The following DIAPH2 variants were observed in gnomAD, a reference collection of about 807,000 sequenced individuals.
The protein encoded by DIAPH2 is diaphanous related formin 2.
Under a neutral mutation model 92.7 loss-of-function variants are expected in DIAPH2, and 35 were observed. The observed-to-expected ratio is 0.38, with a 90% CI of 0.29 to 0.50. The LOEUF is 0.50. DIAPH2 is among the 20% of genes least tolerant of loss of function. The pLI is 0.94. For missense variants in DIAPH2, 701 were observed against 819.5 expected (o/e 0.86, Z 1.77); for synonymous variants, 301 against 280.4 (o/e 1.07, Z -0.73).
chrX:96,850,882 A>C (rs1489719236), intron 4 of DIAPH2, among the ~76,000 whole-genome samples: 3 of 112,061 alleles, frequency 2.7e-5, no homozygotes, highest in African/African-American at 9.7e-5. Flanking sequence ...TTGAAATACA[A>C]ACTTCAGTAA....
intron 26 of DIAPH2, among the ~76,000 whole-genome samples, chrX:97,589,027 A>ATATAT (rs748240865): frequency 2.3e-5 from 2 of 85,123 alleles, no homozygotes; most frequent in Non-Finnish European, 4.7e-5. Context: ...ATATATATAT[A>ATATAT]AAAGAATCAG....
intron 4 of DIAPH2, among the ~76,000 whole-genome samples, chrX:96,867,307 C>T (rs1265012172): frequency 2.7e-5 from 3 of 111,010 alleles, no homozygotes; most frequent in African/African-American, 9.8e-5. Context: ...CAACCTCCGC[C>T]ACCCAGGTTC....
intron 25 of DIAPH2, among the ~76,000 whole-genome samples, chrX:97,417,399 T>TAC (rs751129969): frequency 0.017 from 1,762 of 101,107 alleles, 34 homozygotes; most frequent in African/African-American, 0.061. Flanking sequence ...CACACACACA[T>TAC]ACACACACAC....
At chrX:97,296,199 T>G (rs73550333) in intron 23 of DIAPH2, among the ~76,000 whole-genome samples, 3,828 of 111,318 alleles carry the variant, frequency 0.034, 156 homozygotes, top group African/African-American at 0.12. Context: ...GAGATAAATC[T>G]TTCCCAAGCA....
chrX:97,222,063 CATCGTAT>C (rs1351909906), intron 22 of DIAPH2, among the ~76,000 whole-genome samples: 1 of 111,413 alleles, frequency 9.0e-6, no homozygotes, highest in African/African-American at 3.3e-5. Context: ...CAGCAAACTT[CATCGTAT>C]TACACCAAAG....
chrX:97,199,227 ATGTGTGTG>A (rs58686614), intron 22 of DIAPH2, among the ~76,000 whole-genome samples: 1 of 106,771 alleles, frequency 9.4e-6, no homozygotes, highest in Non-Finnish European at 1.9e-5. Context: ...ACATATGTAT[ATGTGTGTG>A]TGTGTGTGTA....
chrX:97,554,075 GC>G (rs1349910278), intron 26 of DIAPH2, among the ~76,000 whole-genome samples: 1 of 111,004 alleles, frequency 9.0e-6, no homozygotes, highest in Non-Finnish European at 1.9e-5. Flanking sequence ...ATATTCTCCA[GC>G]CTCCGTTTGG....
At chrX:97,004,224 T>A (rs2066164252) in intron 17 of DIAPH2, among the ~76,000 whole-genome samples, 1 of 111,636 alleles carries the variant, frequency 9.0e-6, no homozygotes, top group South Asian at 3.8e-4. Context: ...GGTAATATGA[T>A]TCTTCCAGTT....
chrX:97,379,303 A>C (rs1322815590), intron 24 of DIAPH2, among the ~76,000 whole-genome samples: 1 of 111,940 alleles, frequency 8.9e-6, no homozygotes, highest in Non-Finnish European at 1.9e-5. Context: ...GGGGGTTTGC[A>C]AAATAAGTCA....
At chrX:97,412,035 G>T (rs1303812086) in intron 25 of DIAPH2, among the ~76,000 whole-genome samples, 2 of 111,717 alleles carry the variant, frequency 1.8e-5, no homozygotes, top group Non-Finnish European at 3.8e-5. Context: ...CTTGAACTCA[G>T]CTCTGCACCA....
intron 4 of DIAPH2, among the ~76,000 whole-genome samples, chrX:96,776,425 G>A (rs2064378033): frequency 9.1e-6 from 1 of 109,922 alleles, no homozygotes; most frequent in Non-Finnish European, 1.9e-5. Context: ...CGGCCAGGCT[G>A]GTCTCGAACT....
intron 26 of DIAPH2, among the ~76,000 whole-genome samples, chrX:97,540,281 T>C (rs901504174): frequency 8.0e-5 from 9 of 111,817 alleles, no homozygotes; most frequent in Non-Finnish European, 1.3e-4. Flanking sequence ...TGGACACAGT[T>C]TTCTATTGTT....
intron 23 of DIAPH2, among the ~76,000 whole-genome samples, chrX:97,262,432 T>C (rs1378722756): frequency 9.0e-6 from 1 of 111,716 alleles, no homozygotes; most frequent in Non-Finnish European, 1.9e-5. Flanking sequence ...ACGTAAGGTA[T>C]AACAGGAAGA....
chrX:96,738,194 G>C (rs2064098763), intron 2 of DIAPH2, among the ~76,000 whole-genome samples: 1 of 111,684 alleles, frequency 9.0e-6, no homozygotes, highest in Admixed American at 9.5e-5. Context: ...TTTTCTCTTA[G>C]AATTGGAAAT....
intron 23 of DIAPH2, among the ~76,000 whole-genome samples, chrX:97,314,480 A>G (rs1194341915): frequency 1.8e-5 from 2 of 111,561 alleles, no homozygotes; most frequent in Non-Finnish European, 3.8e-5. Context: ...TGGAAAATCT[A>G]TAGTGTTGAG....
intron 10 of DIAPH2, among the ~76,000 whole-genome samples, chrX:96,933,105 T>C (rs1219502868): frequency 3.6e-5 from 4 of 110,594 alleles, no homozygotes; most frequent in Non-Finnish European, 7.6e-5. Flanking sequence ...AATTTTTTTT[T>C]CCTCTCTAAG....
chrX:96,828,383 A>G (rs912895898), intron 4 of DIAPH2, among the ~76,000 whole-genome samples: 2 of 111,901 alleles, frequency 1.8e-5, no homozygotes, highest in Non-Finnish European at 1.9e-5. Context: ...GAGCAAACAG[A>G]CTGGCTGGAC....
intron 26 of DIAPH2, among the ~76,000 whole-genome samples, chrX:97,474,563 G>A (rs779779110): frequency 3.6e-5 from 4 of 111,001 alleles, no homozygotes; most frequent in South Asian, 3.9e-4. Context: ...TGAGGAGTTC[G>A]AGACCAGCCT....
chrX:97,005,938 G>C (rs1181248668), intron 17 of DIAPH2, among the ~76,000 whole-genome samples: 2 of 102,410 alleles, frequency 2.0e-5, no homozygotes, highest in Non-Finnish European at 4.0e-5. Flanking sequence ...TGATGTAGGA[G>C]GTTATAGCTC....
Sources: gnomAD v4.1 joint callset for allele counts (sites outside exome capture counted in the v4.1 genomes callset) on GRCh38, gnomAD v4.1.1 for gene constraint, MANE v1.5 for transcripts, NCBI Gene and HGNC (gene_info 2026-07-23, HGNC 2026-07-21) for gene names.